YJU2: variants seen among roughly 807,000 people sequenced by gnomAD.
YJU2 encodes splicing factor YJU2.
In YJU2, 28 loss-of-function variants were observed where a neutral mutation model predicts 39.6. The ratio of observed to expected loss-of-function variants is 0.71; its 90% CI spans 0.52 to 0.97. YJU2 has a LOEUF of 0.97. Ranked by LOEUF, YJU2 falls within the 50% of genes least tolerant of loss-of-function variation. The pLI, the probability that YJU2 is intolerant of heterozygous loss-of-function variation, is 0.00. For missense variants in YJU2, 328 were observed against 430.4 expected (o/e 0.76, Z 2.11); for synonymous variants, 184 against 182.4 (o/e 1.01, Z -0.07).
rs570625036 is a variant in YJU2, at chr19:4,263,846, G to T, written c.708+1732G>T. ...AAAAAAAAAGGAGGAAGGAGTTTTG[G>T]TGGATGACCAGCATTTTCCACCACA... On this transcript the variant is annotated intron_variant, in intron 6 of 7. Coordinates refer to ENST00000262962, the MANE Select transcript of YJU2 (RefSeq NM_018074.6). Among the ~76,000 whole-genome samples the T allele has an allele frequency of 2.2e-4, 33 of 150,540 alleles. 1 individual carries two copies. In the East Asian group the frequency reaches 6.1e-3, roughly 28 times the overall value.
At chr19:4,250,237 C>T (rs1181635196) in intron 2 of YJU2, among the ~76,000 whole-genome samples, 1 of 152,174 alleles carries the variant, frequency 6.6e-6, no homozygotes, top group Admixed American at 6.6e-5. Flanking sequence ...CAGTGAAATT[C>T]GGTTCATGCC....
intron 7 of YJU2, among the ~76,000 whole-genome samples, chr19:4,268,016 C>T (rs1374733168): frequency 6.6e-6 from 1 of 151,136 alleles, no homozygotes; most frequent in African/African-American, 2.4e-5. Flanking sequence ...GCAGTGGTGC[C>T]ATCTCGGCTC....
At chr19:4,248,800 T>A (rs567574593) in intron 1 of YJU2, among the ~76,000 whole-genome samples, 3 of 151,920 alleles carry the variant, frequency 2.0e-5, no homozygotes, top group Non-Finnish European at 4.4e-5. Flanking sequence ...GCGCCTGTAA[T>A]CCCAGCTACT....
chr19:4,247,142 C>T lies in YJU2; in HGVS notation c.-5C>T. The T allele has an allele frequency of 6.2e-7, 1 of 1,613,854 alleles. No individual in the cohort carries two copies. The highest frequency in any genetic ancestry group is 8.5e-7 in the Non-Finnish European group (1 of 1,179,750). ...AGGTGCTTGCGAGGTGATCAGAAGG[C>T]AAAGATGTCGGAGCGAAAAGTATTA... is the stretch of plus-strand genomic sequence containing the variant. On this transcript the variant is annotated 5_prime_UTR_variant, in exon 1 of 8. Coordinates refer to ENST00000262962, the MANE Select transcript of YJU2 (RefSeq NM_018074.6).
At chr19:4,256,711 G>T (rs1043147405) in intron 4 of YJU2, among the ~76,000 whole-genome samples, 1 of 152,194 alleles carries the variant, frequency 6.6e-6, no homozygotes, top group Non-Finnish European at 1.5e-5. Context: ...TCATCTGAAG[G>T]CTGGACTGGG....
chr19:4,258,194 C>A (rs752083549), intron 4 of YJU2, 48 bp from the exon 5 acceptor site: 1 of 1,538,984 alleles, frequency 6.5e-7, no homozygotes, highest in East Asian at 2.5e-5. Flanking sequence ...GGGTTTGCCC[C>A]GTGGTGCGAT....
At chr19:4,265,703 C>T (rs889186399) in intron 6 of YJU2, among the ~76,000 whole-genome samples, 1 of 151,792 alleles carries the variant, frequency 6.6e-6, no homozygotes, top group African/African-American at 2.4e-5. Context: ...ATTGTCCTGC[C>T]TTAGCCTCCT....
At chr19:4,267,477 C>A in intron 6 of YJU2, 147 bp from the exon 7 acceptor site, 2 of 803,050 alleles carry the variant, frequency 2.5e-6, no homozygotes, top group Non-Finnish European at 3.9e-6. Context: ...CAGTGGGGAG[C>A]CATAGAGGAG....
Position 4,254,363 on chromosome 19 carries a change from T to C in YJU2, c.279T>C (p.Pro93=), listed in dbSNP as rs755213891. 3 of 1,613,290 alleles carry C rather than the reference T, an allele frequency of 1.9e-6. No individual in the cohort carries two copies. The highest frequency in any genetic ancestry group is 2.2e-5 in the East Asian group (1 of 44,866). ...CLAEITFKTD[P]ENTDYTMEHG... is the part of the protein sequence containing the mutation. Reference sequence around the variant, plus strand: ...GTCTATCCTCCCTGCAGACAGACCCTGAAAACACAGACTACACCATGGAGC... The same window carrying C: ...GTCTATCCTCCCTGCAGACAGACCCCGAAAACACAGACTACACCATGGAGC... The change falls in exon 4 of 8, where the codon CCT becomes CCC. Residue 93 remains proline (P), a synonymous_variant. Coordinates refer to ENST00000262962, the MANE Select transcript of YJU2 (RefSeq NM_018074.6).
rs748910280 is a variant in YJU2 at position 4,264,261 on chromosome 19, CAAAAAAAAAA to C, written c.708+2163_708+2172del. ...TGGGCGACAGAGCGAGACTCTGTCT[CAAAAAAAAAA>C]AAAAAAAAAAAAAAAGAAACGATTG... On this transcript the variant is annotated intron_variant, in intron 6 of 7. Coordinates refer to ENST00000262962, the MANE Select transcript of YJU2 (RefSeq NM_018074.6). Among the ~76,000 whole-genome samples, 10 of 43,940 alleles carry C rather than the reference CAAAAAAAAAA, an allele frequency of 2.3e-4. No individual in the cohort carries two copies. In the Admixed American group the frequency reaches 2.9e-3, roughly 13 times the overall value. 28.8% of individuals were successfully genotyped at this position (43,940 alleles called of 152,430 possible).
At chr19:4,255,915 G>A (rs1216149808) in intron 4 of YJU2, among the ~76,000 whole-genome samples, 1 of 151,890 alleles carries the variant, frequency 6.6e-6, no homozygotes, top group Admixed American at 6.6e-5. Context: ...GCTGAGGCAG[G>A]AGAATTGCTT....
At chr19:4,261,884 G>A in intron 5 of YJU2, 110 bp from the exon 6 acceptor site, 1 of 1,095,908 alleles carries the variant, frequency 9.1e-7, no homozygotes, top group Non-Finnish European at 1.3e-6. Flanking sequence ...TGCTCACTGA[G>A]GGCAGGAAGA....
chr19:4,262,041 A>ACTCAGAGGATGAGGCTGCTCC lies in YJU2; in HGVS notation c.639_659dup (p.Glu214_Ser220dup), dbSNP rs1971074949. 3 of 1,613,080 alleles carry ACTCAGAGGATGAGGCTGCTCC rather than the reference A, an allele frequency of 1.9e-6. No homozygotes were observed. The highest frequency in any genetic ancestry group is 2.5e-6 in the Non-Finnish European group (3 of 1,179,936). On this transcript the variant is annotated inframe_insertion, in exon 6 of 8. Coordinates refer to ENST00000262962, the MANE Select transcript of YJU2 (RefSeq NM_018074.6). ...AAGCGAAGACTGCTGGAGGACTCCG[A>ACTCAGAGGATGAGGCTGCTCC]CTCAGAGGATGAGGCTGCTCCCTCG...
At chr19:4,263,795 G>T (rs1423108811) in intron 6 of YJU2, among the ~76,000 whole-genome samples, 1 of 137,662 alleles carries the variant, frequency 7.3e-6, no homozygotes. Context: ...GGGCAACAGA[G>T]TGAGACTCTA....
chr19:4,250,996 A>C (rs1970971606), intron 2 of YJU2, 31 bp from the exon 3 acceptor site: 1 of 1,604,768 alleles, frequency 6.2e-7, no homozygotes, highest in Non-Finnish European at 8.5e-7. Flanking sequence ...GCGTCCCAAG[A>C]CAGCTCACAT....
At chr19:4,250,679 G>C (rs914641829) in intron 2 of YJU2, among the ~76,000 whole-genome samples, 6 of 152,154 alleles carry the variant, frequency 3.9e-5, no homozygotes, top group African/African-American at 1.4e-4. Flanking sequence ...AGGGGAAGAG[G>C]GGGGTGGGGC....
chr19:4,253,319 T>C (rs1970992979), intron 3 of YJU2, among the ~76,000 whole-genome samples: 1 of 152,130 alleles, frequency 6.6e-6, no homozygotes, highest in African/African-American at 2.4e-5. Flanking sequence ...GGCTCATGCC[T>C]GTAATCCCGG....
rs1210845479 is a variant in YJU2 at position 4,251,060 on chromosome 19, G to T, written c.159G>T (p.Gly53=). 6.2e-7 allele frequency: 1 copy of T among 1,614,200 alleles called. No individual in the cohort carries two copies. Among genetic ancestry groups the T allele is most frequent in the East Asian group, 2.2e-5 (1 of 44,870 alleles). The change falls in exon 3 of 8, where the codon GGG becomes GGT. Residue 53 remains glycine (G), a synonymous_variant. Coordinates refer to ENST00000262962, the MANE Select transcript of YJU2 (RefSeq NM_018074.6). ...CGTGCGGAGAATACATCTACAAGGG[G>T]AAGAAATTCAATGCTCGGAAGGAGA... The part of the protein sequence containing the change: ...CKTCGEYIYK[G]KKFNARKETV...
At chr19:4,257,001 AG>A (rs1032828625) in intron 4 of YJU2, among the ~76,000 whole-genome samples, 8 of 152,092 alleles carry the variant, frequency 5.3e-5, no homozygotes, top group Non-Finnish European at 1.2e-4. Flanking sequence ...TAAATGGAGG[AG>A]CATCAGAGAG....
Sources: gnomAD v4.1 joint callset for allele counts (sites outside exome capture counted in the v4.1 genomes callset) on GRCh38, gnomAD v4.1.1 for gene constraint, MANE v1.5 for transcripts, NCBI Gene and HGNC (gene_info 2026-07-23, HGNC 2026-07-21) for gene names.